Variants in LIN52 observed in about 807,000 individuals in gnomAD.
The protein encoded by LIN52 is lin-52 DREAM MuvB core complex component, also known as protein lin-52 homolog.
LIN52 carries 4 observed loss-of-function variants against 18.5 expected under a neutral mutation model. The ratio of observed to expected loss-of-function variants is 0.22; its 90% CI spans 0.11 to 0.49. LIN52 has a LOEUF of 0.49. LIN52 is among the 20% of genes least tolerant of loss of function. The pLI is 0.97. For synonymous variants in LIN52, 34 were observed against 45.5 expected (o/e 0.75, Z 1.02); for missense variants, 102 against 139.5 (o/e 0.73, Z 1.35).
chr14:74,143,889 T>C (rs2061143259), intron 5 of LIN52, among the ~76,000 whole-genome samples: 1 of 152,154 alleles, frequency 6.6e-6, no homozygotes, highest in African/African-American at 2.4e-5. Context: ...TGTATAATTG[T>C]AATTTTGTGC....
chr14:74,100,483 A>G (rs994828650), intron 4 of LIN52, among the ~76,000 whole-genome samples: 11 of 148,552 alleles, frequency 7.4e-5, no homozygotes, highest in African/African-American at 2.5e-4. Context: ...TTTTATTTAT[A>G]TTTTTTTTTT....
chr14:74,095,468 G>T (rs770993560), intron 2 of LIN52, among the ~76,000 whole-genome samples: 3 of 151,806 alleles, frequency 2.0e-5, no homozygotes, highest in Non-Finnish European at 4.4e-5. Context: ...CTGGGGTCTT[G>T]CCCTGTTGCC....
intron 5 of LIN52, among the ~76,000 whole-genome samples, chr14:74,165,770 A>G (rs951947414): frequency 7.2e-5 from 11 of 151,830 alleles, no homozygotes; most frequent in South Asian, 4.1e-4. Context: ...CCGCCTCCCA[A>G]AGTGTTGGGA....
chr14:74,103,685 G>A (rs1395972354), intron 5 of LIN52, among the ~76,000 whole-genome samples: 2 of 141,556 alleles, frequency 1.4e-5, no homozygotes, highest in East Asian at 2.1e-4. Flanking sequence ...GCCCAACTCC[G>A]CCTCCCAAAG....
At chr14:74,156,969 C>A (rs763598521) in intron 5 of LIN52, among the ~76,000 whole-genome samples, 4 of 151,928 alleles carry the variant, frequency 2.6e-5, no homozygotes, top group Non-Finnish European at 4.4e-5. Context: ...CTGGGAATGA[C>A]CAAATTTCAT....
chr14:74,131,147 T>C (rs892335093), intron 5 of LIN52, among the ~76,000 whole-genome samples: 3 of 152,020 alleles, frequency 2.0e-5, no homozygotes, highest in African/African-American at 7.2e-5. Context: ...TAGGCTATCG[T>C]GCAACAAATA....
intron 2 of LIN52, among the ~76,000 whole-genome samples, chr14:74,092,494 C>A (rs899415640): frequency 1.0e-4 from 15 of 150,378 alleles, no homozygotes; most frequent in African/African-American, 3.7e-4. Context: ...TTAGTAGAGA[C>A]AGGGTTTTGC....
intron 5 of LIN52, among the ~76,000 whole-genome samples, chr14:74,119,853 T>C (rs2060989175): frequency 6.6e-6 from 1 of 151,268 alleles, no homozygotes; most frequent in East Asian, 1.9e-4. Context: ...TTTTTTTTTT[T>C]AGATGGAGTT....
rs977924154 is a variant in LIN52 at position 74,201,323 on chromosome 14, A to T, written c.*2346A>T. ...GTACAACTGTAATGATAAATAATCT[A>T]CTGTTTTCCCCCTTAATATACTTAA... is the stretch of plus-strand genomic sequence containing the variant. On this transcript the variant is annotated 3_prime_UTR_variant, in exon 6 of 6. Coordinates refer to ENST00000555028, the MANE Select transcript of LIN52 (RefSeq NM_001024674.3). 2 of 152,136 alleles carry T rather than the reference A, an allele frequency of 1.3e-5. No individual in the cohort carries two copies. The highest frequency in any genetic ancestry group is 4.8e-5 in the African/African-American group (2 of 41,416). The allele number at this position is 152,136 out of a possible 1,614,324, so 9.4% of individuals were successfully genotyped here. A position where few individuals can be genotyped will look rare whatever the true frequency, so the allele number is the denominator to read the frequency against.
At chr14:74,192,902 G>A (rs1005651239) in intron 5 of LIN52, 13 of 155,712 alleles carry the variant, frequency 8.3e-5, no homozygotes, top group South Asian at 5.7e-4. Context: ...CTACAACTCC[G>A]TTGAATTCCA....
intron 5 of LIN52, among the ~76,000 whole-genome samples, chr14:74,158,398 C>G (rs934732812): frequency 6.6e-6 from 1 of 152,146 alleles, no homozygotes; most frequent in Non-Finnish European, 1.5e-5. Context: ...TAGGCGTGAG[C>G]CACCGTGCGT....
chr14:74,165,761 C>T (rs2061246946), intron 5 of LIN52, among the ~76,000 whole-genome samples: 1 of 151,598 alleles, frequency 6.6e-6, no homozygotes, highest in Admixed American at 6.6e-5. Context: ...CGCCCACCTC[C>T]GCCTCCCAAA....
chr14:74,196,829 G>A (rs908029581), intron 5 of LIN52, among the ~76,000 whole-genome samples: 1 of 152,144 alleles, frequency 6.6e-6, no homozygotes, highest in Admixed American at 6.6e-5. Context: ...GAGAAAAGTA[G>A]GGTATTAACA....
chr14:74,127,361 G>A (rs1355598067), intron 5 of LIN52, among the ~76,000 whole-genome samples: 1 of 152,202 alleles, frequency 6.6e-6, no homozygotes, highest in African/African-American at 2.4e-5. Context: ...GAACGGAGAT[G>A]AGCTTTCAGA....
intron 5 of LIN52, among the ~76,000 whole-genome samples, chr14:74,195,534 G>T (rs2078906461): frequency 9.3e-6 from 1 of 106,958 alleles, no homozygotes; most frequent in African/African-American, 3.6e-5. Flanking sequence ...ACTAGAAGAG[G>T]TGTGTGTGGG....
At chr14:74,193,570 G>A (rs1215512742) in intron 5 of LIN52, among the ~76,000 whole-genome samples, 2 of 152,198 alleles carry the variant, frequency 1.3e-5, no homozygotes, top group Admixed American at 1.3e-4. Flanking sequence ...TACTCTAAAA[G>A]AAATGAATCT....
At chr14:74,126,542 T>G (rs1228631413) in intron 5 of LIN52, among the ~76,000 whole-genome samples, 1 of 152,238 alleles carries the variant, frequency 6.6e-6, no homozygotes, top group Non-Finnish European at 1.5e-5. Context: ...CAGTGGAATA[T>G]TATTCAGCCA....
At chr14:74,173,601 T>A (rs2061280310) in intron 5 of LIN52, among the ~76,000 whole-genome samples, 1 of 152,242 alleles carries the variant, frequency 6.6e-6, no homozygotes, top group Non-Finnish European at 1.5e-5. Context: ...TCATCTAATC[T>A]ACTTATTTTA....
chr14:74,169,217 C>T (rs982602985), intron 5 of LIN52, among the ~76,000 whole-genome samples: 1 of 152,156 alleles, frequency 6.6e-6, no homozygotes. Context: ...ATCCCCAGTC[C>T]ACATTTCTTT....
Sources: gnomAD v4.1 joint callset for allele counts (sites outside exome capture counted in the v4.1 genomes callset) on GRCh38, gnomAD v4.1.1 for gene constraint, MANE v1.5 for transcripts, NCBI Gene and HGNC (gene_info 2026-07-23, HGNC 2026-07-21) for gene names.